Variants in RYR2 observed in about 807,000 individuals in gnomAD.
RYR2 encodes the protein ryanodine receptor 2.
A neutral mutation model predicts 601.1 loss-of-function variants in RYR2; 227 were observed. The ratio of observed to expected loss-of-function variants is 0.38; its 90% CI spans 0.34 to 0.42. RYR2 has a LOEUF of 0.42. Ranked by LOEUF, RYR2 falls within the 10% of genes least tolerant of loss-of-function variation. The pLI is 1.00. For missense variants in RYR2, 4,646 were observed against 6,156.5 expected (o/e 0.75, Z 8.21); for synonymous variants, 2,223 against 2,175.1 (o/e 1.02, Z -0.61).
intron 17 of RYR2, among the ~76,000 whole-genome samples, chr1:237,487,999 G>GA (rs1475117210): frequency 6.6e-5 from 10 of 152,118 alleles, no homozygotes; most frequent in African/African-American, 1.9e-4. Flanking sequence ...CTAAATAGGA[G>GA]AAAAATCGGG....
At chr1:237,647,920 G>A (rs533362936) in intron 48 of RYR2, among the ~76,000 whole-genome samples, 1 of 152,258 alleles carries the variant, frequency 6.6e-6, no homozygotes, top group African/African-American at 2.4e-5. Flanking sequence ...TTAAATGCAC[G>A]TTAAATGCTA....
chr1:237,532,148 G>A (rs1436508282), intron 25 of RYR2, among the ~76,000 whole-genome samples: 3 of 151,856 alleles, frequency 2.0e-5, no homozygotes, highest in African/African-American at 7.3e-5. Context: ...TAGTACACAG[G>A]TGCTCAAAAC....
chr1:237,229,969 G>GC (rs899772571), intron 1 of RYR2, among the ~76,000 whole-genome samples: 207 of 152,176 alleles, frequency 1.4e-3, no homozygotes, highest in Non-Finnish European at 2.4e-3. Flanking sequence ...TAAGAAGATA[G>GC]CCCCCCCTTT....
At chr1:237,260,872 T>C (rs1319016580) in intron 1 of RYR2, among the ~76,000 whole-genome samples, 1 of 152,220 alleles carries the variant, frequency 6.6e-6, no homozygotes, top group East Asian at 1.9e-4. Context: ...CCAAAGCTTG[T>C]CTGAAGACAT....
At position 237,707,047 on chromosome 1, in the gene RYR2, C is replaced by T. The variant is rs747271394; in HGVS notation, c.9679C>T (p.Arg3227Cys). 11 of 1,613,432 alleles carry T rather than the reference C, an allele frequency of 6.8e-6. No individual in the cohort carries two copies. The highest frequency in any genetic ancestry group is 2.2e-5 in the South Asian group (2 of 91,072). ...EIVELAESGI[R>C]YTQMPHVMEV... Reference sequence around the variant, plus strand: ...CGTGGAATTAGCCGAGTCCGGCATTCGCTACACTCAAATGCCACATGTCAT... The same window carrying T: ...CGTGGAATTAGCCGAGTCCGGCATTTGCTACACTCAAATGCCACATGTCAT... Residue 3227 changes from arginine to cysteine, a missense_variant, in exon 68 of 105, where the codon CGC becomes TGC. This residue lies in a region of RYR2 where 1,497 missense variants were observed against 1,842.6 expected (regional missense o/e 0.81). Transcript: ENST00000366574.
At position 237,623,692 on chromosome 1, in the gene RYR2, CTGCTGTGCCATTCT is replaced by C; in HGVS notation, c.5917-70_5917-57del. 8.2e-6 allele frequency: 8 copies of C among 972,228 alleles called. 1 individual carries two copies. The South Asian group carries it at 1.1e-4, about 14-fold the overall frequency. 60.2% of individuals were successfully genotyped at this position (972,228 alleles called of 1,614,324 possible). On this transcript the variant is annotated intron_variant, in intron 38 of 104. Coordinates refer to ENST00000366574, the MANE Select transcript of RYR2 (RefSeq NM_001035.3). ...CAGGCATGAGCCACTCCGCCCGGCC[CTGCTGTGCCATTCT>C]TGAATTCACCTTTCTTTTCTTCCTC...
chr1:237,505,237 T>G (rs1242302883), intron 22 of RYR2, among the ~76,000 whole-genome samples: 1 of 152,218 alleles, frequency 6.6e-6, no homozygotes, highest in Admixed American at 6.5e-5. Flanking sequence ...TGTTAGCTGT[T>G]GTTCCTCTTT....
intron 39 of RYR2, among the ~76,000 whole-genome samples, chr1:237,624,971 G>A (rs1465225476): frequency 3.3e-5 from 5 of 151,748 alleles, no homozygotes; most frequent in Non-Finnish European, 5.9e-5. Flanking sequence ...ACATGTGTGT[G>A]TACATGTATG....
At chr1:237,109,563 G>T (rs979242588) in intron 1 of RYR2, among the ~76,000 whole-genome samples, 6 of 152,144 alleles carry the variant, frequency 3.9e-5, no homozygotes, top group Admixed American at 6.5e-5. Context: ...TGATGGGCCT[G>T]GGCAGGAGGA....
At chr1:237,124,586 A>G (rs1486104604) in intron 1 of RYR2, among the ~76,000 whole-genome samples, 2 of 152,186 alleles carry the variant, frequency 1.3e-5, no homozygotes, top group East Asian at 1.9e-4. Context: ...GGTTGTTAGC[A>G]TTCCGGGGCC....
chr1:237,711,539 T>C (rs530187795), intron 70 of RYR2, among the ~76,000 whole-genome samples: 2 of 152,260 alleles, frequency 1.3e-5, no homozygotes, highest in Non-Finnish European at 2.9e-5. Flanking sequence ...CTTTGCAATG[T>C]GCATATTCAT....
intron 1 of RYR2, among the ~76,000 whole-genome samples, chr1:237,066,171 A>G (rs116196129): frequency 6.6e-6 from 1 of 152,274 alleles, no homozygotes; most frequent in Non-Finnish European, 1.5e-5. Context: ...GACATACCAC[A>G]TTTTGTTTGG....
intron 63 of RYR2, among the ~76,000 whole-genome samples, chr1:237,693,687 T>C (rs1687145999): frequency 6.6e-6 from 1 of 152,212 alleles, no homozygotes; most frequent in African/African-American, 2.4e-5. Flanking sequence ...TGTTAAAATA[T>C]TCAGTTTTTT....
At chr1:237,599,808 C>CAAAA (rs56123861) in intron 34 of RYR2, among the ~76,000 whole-genome samples, 13 of 107,940 alleles carry the variant, frequency 1.2e-4, no homozygotes, top group African/African-American at 4.7e-4. Context: ...GACTCCATCT[C>CAAAA]AAAAAAAAAA....
intron 67 of RYR2, among the ~76,000 whole-genome samples, chr1:237,705,695 G>A (rs147889468): frequency 7.9e-5 from 12 of 152,242 alleles, no homozygotes; most frequent in Non-Finnish European, 1.8e-4. Context: ...TTTCTCTTCT[G>A]GGTGACTGAC....
intron 17 of RYR2, among the ~76,000 whole-genome samples, chr1:237,483,024 C>T (rs768415263): frequency 1.6e-4 from 24 of 152,132 alleles, no homozygotes; most frequent in Non-Finnish European, 2.1e-4. Context: ...GCCCACTTGC[C>T]CTCCTTGTTT....
At chr1:237,401,099 A>T (rs2149931142) in intron 10 of RYR2, among the ~76,000 whole-genome samples, 1 of 152,330 alleles carries the variant, frequency 6.6e-6, no homozygotes, top group Admixed American at 6.5e-5. Context: ...ACAATATGAG[A>T]TTACTATGGC....
intron 35 of RYR2, among the ~76,000 whole-genome samples, chr1:237,606,995 C>T (rs1221759064): frequency 6.6e-6 from 1 of 152,176 alleles, no homozygotes; most frequent in Non-Finnish European, 1.5e-5. Context: ...ACTAGTTCAA[C>T]CATTGTGGAA....
At chr1:237,587,838 T>G (rs889016314) in intron 29 of RYR2, among the ~76,000 whole-genome samples, 15 of 152,164 alleles carry the variant, frequency 9.9e-5, no homozygotes, top group Non-Finnish European at 2.1e-4. Flanking sequence ...ATCCAATAAC[T>G]TTCCATGTAG....
Sources: allele counts gnomAD v4.1 joint callset (sites outside exome capture counted in the v4.1 genomes callset), GRCh38; gene constraint gnomAD v4.1.1; regional missense constraint gnomAD v4.1.1; transcripts MANE v1.5; gene names NCBI Gene and HGNC (gene_info 2026-07-23, HGNC 2026-07-21).